PCDHA9: variants seen among roughly 807,000 people sequenced by gnomAD.
PCDHA9 encodes the protein protocadherin alpha 9.
In PCDHA9, 62 loss-of-function variants were observed where a neutral mutation model predicts 62.0. The ratio of observed to expected loss-of-function variants is 1.00; its 90% CI spans 0.81 to 1.23. PCDHA9 has a LOEUF of 1.23. PCDHA9 is among the 50% of genes most tolerant of loss of function. The pLI is 0.00. For synonymous variants in PCDHA9, 557 were observed against 567.6 expected, an observed-to-expected ratio of 0.98 and a Z score of 0.27; for missense variants, 1,205 against 1,249.8, an observed-to-expected ratio of 0.96 and a Z score of 0.54.
At chr5:140,968,684 G>A in intron 1 of PCDHA9, 1 of 1,614,140 alleles carries the variant, frequency 6.2e-7, no homozygotes, top group Non-Finnish European at 8.5e-7. Flanking sequence ...GCTGCACACA[G>A]GAGAAATTAG....
intron 1 of PCDHA9, chr5:140,968,545 G>C: frequency 6.2e-7 from 1 of 1,614,182 alleles, no homozygotes; most frequent in Non-Finnish European, 8.5e-7. Flanking sequence ...CCTTCGAGAT[G>C]GTGCCTCGAA....
At chr5:140,929,410 C>G (rs2086136493) in intron 1 of PCDHA9, 1 of 1,505,808 alleles carries the variant, frequency 6.6e-7, no homozygotes, top group Non-Finnish European at 8.9e-7. Context: ...ACAAGCCTTT[C>G]ACAACATTTC....
At chr5:140,960,763 C>A (rs1424215578) in intron 1 of PCDHA9, among the ~76,000 whole-genome samples, 1 of 151,896 alleles carries the variant, frequency 6.6e-6, no homozygotes, top group Non-Finnish European at 1.5e-5. Flanking sequence ...CCAAGAGTTA[C>A]AGAGGAGAAA....
intron 1 of PCDHA9, among the ~76,000 whole-genome samples, chr5:140,890,015 T>C (rs553399283): frequency 2.8e-4 from 43 of 152,210 alleles, no homozygotes; most frequent in African/African-American, 1.0e-3. Flanking sequence ...GCCAGAAAAA[T>C]GTAGAAGGCT....
chr5:140,941,347 T>C (rs246069), intron 1 of PCDHA9, among the ~76,000 whole-genome samples: 97,460 of 130,222 alleles, frequency 0.75, 37,726 homozygotes, highest in African/African-American at 0.94. Context: ...GATGGAGTCT[T>C]GCTCTGTTGC....
At position 141,011,322 on chromosome 5, in the gene PCDHA9, C is replaced by T. The variant is rs1210973958; in HGVS notation, c.*1385C>T. The T allele has an allele frequency of 2.0e-5, 3 of 153,698 alleles. No individual in the cohort carries two copies. The highest frequency in any genetic ancestry group is 7.2e-5 in the African/African-American group (3 of 41,430). The allele number at this position is 153,698 out of a possible 1,614,324, so 9.5% of individuals were successfully genotyped here. On this transcript the variant is annotated 3_prime_UTR_variant, in exon 4 of 4. Coordinates refer to ENST00000532602, the MANE Select transcript of PCDHA9 (RefSeq NM_031857.2). Reference sequence around the variant, plus strand: ...CTCTGAATTGCTAATCTTACTAACACCTATGATGTTACCTGAAATCAATCT... The same window carrying T: ...CTCTGAATTGCTAATCTTACTAACATCTATGATGTTACCTGAAATCAATCT...
rs1342030965 is a variant in PCDHA9 at position 140,955,208 on chromosome 5, C to G, written c.2395-23741C>G. ...GGTGTATATGAAGTCAATCAAGTAG[C>G]ATGATGCCTCCAGCTTTGTTCTTTT... On this transcript the variant is annotated intron_variant, in intron 1 of 3. Transcript: ENST00000532602. 2.6e-5 allele frequency among the ~76,000 whole-genome samples: 4 copies of G among 152,140 alleles called. No individual in the cohort carries two copies. In the East Asian group the frequency reaches 7.7e-4, roughly 29 times the overall value.
At chr5:140,866,764 G>A (rs2049554706) in intron 1 of PCDHA9, 1 of 152,110 alleles carries the variant, frequency 6.6e-6, no homozygotes, top group Non-Finnish European at 1.5e-5. Flanking sequence ...GGACATACAG[G>A]CAGATTGTAT....
chr5:140,857,560 G>C, intron 1 of PCDHA9: 1 of 1,596,914 alleles, frequency 6.3e-7, no homozygotes, highest in Non-Finnish European at 8.6e-7. Flanking sequence ...GCTCGCTGTC[G>C]AGCTACGTGT....
chr5:140,896,735 T>C (rs930657295), intron 1 of PCDHA9, among the ~76,000 whole-genome samples: 8 of 152,166 alleles, frequency 5.3e-5, no homozygotes, highest in Non-Finnish European at 4.4e-5. Context: ...TTTAAGTTCC[T>C]TATAGATTCT....
chr5:141,002,442 A>G (rs1177854570), intron 3 of PCDHA9, among the ~76,000 whole-genome samples: 3 of 152,218 alleles, frequency 2.0e-5, no homozygotes, highest in Non-Finnish European at 4.4e-5. Context: ...AACCATAATA[A>G]TTGGCACATT....
At chr5:140,882,535 G>A (rs2059175245) in intron 1 of PCDHA9, 4 of 1,614,232 alleles carry the variant, frequency 2.5e-6, no homozygotes, top group East Asian at 2.2e-5. Flanking sequence ...TGAATTCTCG[G>A]ATCGACCGCG....
intron 1 of PCDHA9, among the ~76,000 whole-genome samples, chr5:140,911,440 A>C (rs151200639): frequency 6.6e-5 from 10 of 152,168 alleles, no homozygotes; most frequent in African/African-American, 1.7e-4. Context: ...ATTTCCCGCA[A>C]TTTCAGCTCT....
intron 3 of PCDHA9, among the ~76,000 whole-genome samples, chr5:140,986,404 G>GT (rs2097199196): frequency 6.6e-6 from 1 of 152,190 alleles, no homozygotes; most frequent in Non-Finnish European, 1.5e-5. Context: ...AGTCGCTCAT[G>GT]TTACAGCTCT....
intron 1 of PCDHA9, chr5:140,926,257 C>CT (rs1336723706): frequency 4.6e-5 from 7 of 152,300 alleles, no homozygotes; most frequent in African/African-American, 1.7e-4. Flanking sequence ...ACCGTCCCGC[C>CT]TCTCGCCGCC....
chr5:140,869,059 C>T (rs782790799), intron 1 of PCDHA9: 1 of 1,555,654 alleles, frequency 6.4e-7, no homozygotes, highest in East Asian at 2.2e-5. Context: ...GAATCTGGTA[C>T]TGTAAGTGTA....
intron 1 of PCDHA9, among the ~76,000 whole-genome samples, chr5:140,957,228 T>C (rs1189952927): frequency 6.6e-6 from 1 of 152,148 alleles, no homozygotes; most frequent in Non-Finnish European, 1.5e-5. Flanking sequence ...TGGCGAAGCA[T>C]TTTGGCATGT....
chr5:140,954,411 G>A (rs246022), intron 1 of PCDHA9, among the ~76,000 whole-genome samples: 85,294 of 151,642 alleles, frequency 0.56, 24,563 homozygotes, highest in African/African-American at 0.69. Flanking sequence ...ACAGGGTAAA[G>A]GTGTTCCTTT....
intron 1 of PCDHA9, chr5:140,857,668 C>T (rs1319713687): frequency 6.3e-7 from 1 of 1,596,856 alleles, no homozygotes. Flanking sequence ...GCGATGGGGG[C>T]GTGCCGCCTC....
Sources: gnomAD v4.1 joint callset for allele counts (sites outside exome capture counted in the v4.1 genomes callset) on GRCh38, gnomAD v4.1.1 for gene constraint, MANE v1.5 for transcripts, NCBI Gene and HGNC (gene_info 2026-07-23, HGNC 2026-07-21) for gene names.